Variants in SHANK2 observed in about 807,000 individuals in gnomAD.
SHANK2 encodes the protein SH3 and multiple ankyrin repeat domains 2.
Under a neutral mutation model 133.7 loss-of-function variants are expected in SHANK2, and 43 were observed. The ratio of observed to expected loss-of-function variants is 0.32; its 90% confidence interval spans 0.25 to 0.41. The LOEUF (loss-of-function observed/expected upper bound fraction) is 0.41. Among genes scored for constraint, SHANK2 ranks in the 10% least tolerant of loss-of-function variants. SHANK2 has a pLI of 1.00. For missense variants in SHANK2, 1,994 were observed against 2,235.8 expected (o/e 0.89, Z 2.18); for synonymous variants, 1,017 against 952.8 (o/e 1.07, Z -1.24).
At chr11:70,945,081 C>G (rs1336522375) in intron 10 of SHANK2, among the ~76,000 whole-genome samples, 17 of 152,144 alleles carry the variant, frequency 1.1e-4, no homozygotes, top group African/African-American at 4.1e-4. Context: ...GACAGCTTTC[C>G]TTTAATGACA....
rs150494886 is a variant in SHANK2, at chr11:70,817,283, G to A, written c.1493+3081C>T. ...GGGAAGGACCTCTCAGCTCATCAGTGCCCATCCAGAGGGTTCCTCCTACAG... is the reference window on the plus strand; with the variant it reads ...GGGAAGGACCTCTCAGCTCATCAGTACCCATCCAGAGGGTTCCTCCTACAG... On this transcript the variant is annotated intron_variant, in intron 12 of 25. Transcript: ENST00000601538. Among the ~76,000 whole-genome samples the A allele has an allele frequency of 7.4e-4, 112 of 152,322 alleles. No individual in the cohort carries two copies. The East Asian group carries it at 0.019, about 25-fold the overall frequency.
chr11:70,754,363 A>C (rs945420133), intron 14 of SHANK2, among the ~76,000 whole-genome samples: 1 of 152,240 alleles, frequency 6.6e-6, no homozygotes, highest in African/African-American at 2.4e-5. Flanking sequence ...TCCTTAAAAT[A>C]TTAGGAAGTC....
chr11:70,901,021 T>G (rs1253118576), intron 10 of SHANK2, among the ~76,000 whole-genome samples: 8 of 152,048 alleles, frequency 5.3e-5, no homozygotes, highest in Non-Finnish European at 8.8e-5. Flanking sequence ...GAGGCTCAGG[T>G]GCCACACGCT....
chr11:70,559,024 T>C (rs1237486807), intron 17 of SHANK2, among the ~76,000 whole-genome samples: 1 of 151,868 alleles, frequency 6.6e-6, no homozygotes, highest in African/African-American at 2.4e-5. Context: ...ACAGACGCTA[T>C]ATTTTTTTTT....
chr11:70,903,109 G>T (rs1394507570), intron 10 of SHANK2, among the ~76,000 whole-genome samples: 1 of 152,148 alleles, frequency 6.6e-6, no homozygotes, highest in Non-Finnish European at 1.5e-5. Context: ...GGACTCAGTG[G>T]CTCATGCCTG....
intron 11 of SHANK2, among the ~76,000 whole-genome samples, chr11:70,831,167 C>T (rs1183142711): frequency 6.6e-6 from 1 of 152,136 alleles, no homozygotes; most frequent in Admixed American, 6.5e-5. Context: ...ATCCACCTGC[C>T]TGCCTGCCCG....
At chr11:70,780,127 T>C (rs1023983488) in intron 14 of SHANK2, among the ~76,000 whole-genome samples, 9 of 152,178 alleles carry the variant, frequency 5.9e-5, no homozygotes, top group African/African-American at 1.4e-4. Flanking sequence ...GGGGATACCA[T>C]TTGAGCAGCT....
intron 17 of SHANK2, among the ~76,000 whole-genome samples, chr11:70,611,821 A>T (rs2060661111): frequency 6.6e-6 from 1 of 152,144 alleles, no homozygotes; most frequent in African/African-American, 2.4e-5. Flanking sequence ...GGGGGAGTTT[A>T]GGAAACTGCC....
chr11:71,249,437 C>T (rs546577186), intron 1 of SHANK2, among the ~76,000 whole-genome samples: 7 of 152,170 alleles, frequency 4.6e-5, no homozygotes, highest in Non-Finnish European at 7.3e-5. Flanking sequence ...AGGCTGTGCG[C>T]GTCCATTTCC....
chr11:70,942,618 C>T (rs1249458771), intron 10 of SHANK2: 3 of 456,756 alleles, frequency 6.6e-6, no homozygotes, highest in Non-Finnish European at 8.8e-6. Context: ...AGCAGACTAG[C>T]AGAGTGTCAT....
chr11:70,680,741 T>C (rs1051820660), intron 15 of SHANK2, among the ~76,000 whole-genome samples: 3 of 152,208 alleles, frequency 2.0e-5, no homozygotes, highest in Non-Finnish European at 4.4e-5. Flanking sequence ...CCTCTCTCTC[T>C]TTCCCTGGTG....
intron 17 of SHANK2, among the ~76,000 whole-genome samples, chr11:70,521,811 G>A (rs1418621696): frequency 1.3e-5 from 2 of 152,160 alleles, no homozygotes; most frequent in African/African-American, 2.4e-5. Context: ...CCCTGGAGAC[G>A]GTGCCACGGC....
At chr11:71,125,342 A>T (rs531711702) in intron 3 of SHANK2, among the ~76,000 whole-genome samples, 2 of 152,354 alleles carry the variant, frequency 1.3e-5, no homozygotes, top group African/African-American at 4.8e-5. Flanking sequence ...GTGAATGCAA[A>T]CAAAATGTTC....
At chr11:70,818,407 C>T (rs1296012151) in intron 12 of SHANK2, among the ~76,000 whole-genome samples, 1 of 152,196 alleles carries the variant, frequency 6.6e-6, no homozygotes, top group Non-Finnish European at 1.5e-5. Flanking sequence ...AGCTGCAATA[C>T]ACCCGGCTGC....
chr11:71,225,365 G>A (rs142368547), intron 1 of SHANK2, among the ~76,000 whole-genome samples: 260 of 152,226 alleles, frequency 1.7e-3, no homozygotes, highest in African/African-American at 5.9e-3. Context: ...ATAGAGCAAC[G>A]GAAGGAGCTA....
intron 11 of SHANK2, among the ~76,000 whole-genome samples, chr11:70,836,493 G>T (rs1948819803): frequency 6.6e-6 from 1 of 152,188 alleles, no homozygotes; most frequent in Admixed American, 6.5e-5. Context: ...GGTGGCCCCG[G>T]GTGCCACCCA....
chr11:71,146,032 A>C (rs570087282), intron 3 of SHANK2, among the ~76,000 whole-genome samples: 1 of 152,092 alleles, frequency 6.6e-6, no homozygotes, highest in East Asian at 1.9e-4. Context: ...TACCATGTCT[A>C]CTCCACAGCA....
intron 10 of SHANK2, among the ~76,000 whole-genome samples, chr11:70,946,521 A>T (rs1404491138): frequency 7.2e-6 from 1 of 138,096 alleles, no homozygotes; most frequent in African/African-American, 2.8e-5. Context: ...CCCCAGGCTC[A>T]CCATCCCTCT....
intron 10 of SHANK2, among the ~76,000 whole-genome samples, chr11:70,900,020 G>T (rs1253890956): frequency 6.6e-6 from 1 of 152,196 alleles, no homozygotes; most frequent in African/African-American, 2.4e-5. Context: ...CACAAGTAAA[G>T]GTTTAGAGCA....
Sources: gnomAD v4.1 joint callset for allele counts (sites outside exome capture counted in the v4.1 genomes callset) on GRCh38, gnomAD v4.1.1 for gene constraint, MANE v1.5 for transcripts, NCBI Gene and HGNC (gene_info 2026-07-23, HGNC 2026-07-21) for gene names.